The following DAPL1 variants were observed in gnomAD, a reference collection of about 807,000 sequenced individuals.
DAPL1 encodes the protein death-associated protein-like 1.
In DAPL1, 17 loss-of-function variants were observed where a neutral mutation model predicts 12.9. That is an observed-to-expected ratio of 1.32 (90% CI 0.90 to 1.98). The LOEUF is 1.98. Ranked by LOEUF, DAPL1 falls within the 30% of genes most tolerant of loss-of-function variation. The pLI, the probability that DAPL1 is intolerant of heterozygous loss-of-function variation, is 0.00. For missense variants in DAPL1, 157 were observed against 125.7 expected, an observed-to-expected ratio of 1.25 and a Z score of -1.19; for synonymous variants, 51 against 42.0, an observed-to-expected ratio of 1.21 and a Z score of -0.82.
chr2:158,815,733 A>G lies in DAPL1; in HGVS notation c.236A>G (p.His79Arg). The change falls in exon 4 of 4, where the codon CAC becomes CGC. Residue 79 changes from histidine (H) to arginine (R), a missense_variant. His to Arg is a conservative substitution (Grantham distance 29, BLOSUM62 0). Transcript: ENST00000309950. ...AACTATAAATTTCCAGCAACAGTGCACATGGCGCATCAAAAACCCACACCT... is the reference window on the plus strand; with the variant it reads ...AACTATAAATTTCCAGCAACAGTGCGCATGGCGCATCAAAAACCCACACCT... Reference protein sequence around the residue: ...KLNYKFPATVHMAHQKPTPAL... With the variant: ...KLNYKFPATVRMAHQKPTPAL... 6.2e-7 allele frequency: 1 copy of G among 1,613,876 alleles called. No individual in the cohort carries two copies. The highest frequency in any genetic ancestry group is 1.1e-5 in the South Asian group (1 of 91,068).
At chr2:158,798,531 A>C (rs546517086) in intron 1 of DAPL1, among the ~76,000 whole-genome samples, 1 of 152,330 alleles carries the variant, frequency 6.6e-6, no homozygotes, top group East Asian at 1.9e-4. Flanking sequence ...CACCTGGCAC[A>C]GCAAAGAGAC....
At chr2:158,809,835 A>G (rs1052289883) in intron 3 of DAPL1, among the ~76,000 whole-genome samples, 5 of 152,182 alleles carry the variant, frequency 3.3e-5, no homozygotes, top group African/African-American at 1.2e-4. Flanking sequence ...GGTAGAATCC[A>G]TGTGTTTCCA....
chr2:158,810,570 T>G (rs2059224938), intron 3 of DAPL1, among the ~76,000 whole-genome samples: 1 of 152,186 alleles, frequency 6.6e-6, no homozygotes, highest in Non-Finnish European at 1.5e-5. Context: ...ATTTTGGAGA[T>G]TGAAAAATAG....
At chr2:158,813,781 G>T (rs541846582) in intron 3 of DAPL1, among the ~76,000 whole-genome samples, 106 of 151,962 alleles carry the variant, frequency 7.0e-4, no homozygotes, top group East Asian at 1.9e-3. Context: ...GGTCTCGATC[G>T]CCTGACCTCA....
chr2:158,795,406 C>G lies in DAPL1; in HGVS notation c.34C>G (p.Arg12Gly), dbSNP rs139771414. 1 of 1,555,966 alleles carries G rather than the reference C, an allele frequency of 6.4e-7. No individual in the cohort carries two copies. Among genetic ancestry groups the G allele is most frequent in the Non-Finnish European group, 8.7e-7 (1 of 1,149,420 alleles). ...TGAAGTGCAAGACCTGCTCTCCCCT[C>G]GGAAAGGGGGACATCCTCCTGCAGG... is the stretch of plus-strand genomic sequence containing the variant. ...ANEVQDLLSP[R>G]KGGHPPAVKA... Residue 12 changes from arginine to glycine, a missense_variant, in exon 1 of 4, where the codon CGG becomes GGG. Coordinates refer to ENST00000309950, the MANE Select transcript of DAPL1 (RefSeq NM_001017920.3).
chr2:158,810,725 C>T (rs1220172345), intron 3 of DAPL1, among the ~76,000 whole-genome samples: 5 of 152,172 alleles, frequency 3.3e-5, no homozygotes, highest in Non-Finnish European at 5.9e-5. Flanking sequence ...CTCCAGCCAG[C>T]CTTCCCCACC....
chr2:158,797,579 G>A (rs925314265), intron 1 of DAPL1, among the ~76,000 whole-genome samples: 5 of 152,118 alleles, frequency 3.3e-5, no homozygotes, highest in African/African-American at 9.7e-5. Flanking sequence ...ATCACCTGAG[G>A]TCAGGAGTTC....
rs1316239875 is a variant in DAPL1 at position 158,795,378 on chromosome 2, A to T, written c.6A>T (p.Ala2=). 1 of 1,555,380 alleles carries T rather than the reference A, an allele frequency of 6.4e-7. No homozygotes were observed. The change falls in exon 1 of 4, where the codon GCA becomes GCT. Residue 2 remains alanine, a synonymous_variant. Coordinates refer to ENST00000309950, the MANE Select transcript of DAPL1 (RefSeq NM_001017920.3). ...CACTGGCACTGGCACACGCTATGGC[A>T]AATGAAGTGCAAGACCTGCTCTCCC... M[A]NEVQDLLSPR... is the part of the protein sequence containing the mutation.
rs1298179002 is a variant in DAPL1 at position 158,805,981 on chromosome 2, T to C, written c.147-1074T>C. Among the ~76,000 whole-genome samples, 3 of 148,106 alleles carry C rather than the reference T, an allele frequency of 2.0e-5. No individual in the cohort carries two copies. The East Asian group carries it at 5.8e-4, about 29-fold the overall frequency. ...ATGGGTAGGGCCCCTCCCAGGGCCT[T>C]GGGAGGAGCCACTGTGGCAGGAGAC... On this transcript the variant is annotated intron_variant, in intron 2 of 3. Transcript: ENST00000309950.
At chr2:158,804,514 T>G in intron 2 of DAPL1, 145 bp downstream of exon 2, 2 of 566,798 alleles carry the variant, frequency 3.5e-6, no homozygotes, top group South Asian at 5.0e-5. Flanking sequence ...TGATCCGTGG[T>G]GACTTAGGGT....
At chr2:158,808,816 A>G (rs930819545) in intron 3 of DAPL1, among the ~76,000 whole-genome samples, 3 of 152,230 alleles carry the variant, frequency 2.0e-5, no homozygotes, top group Non-Finnish European at 4.4e-5. Context: ...TTCCCCTAAA[A>G]TATTTGTTAA....
intron 1 of DAPL1, among the ~76,000 whole-genome samples, chr2:158,799,139 G>A (rs372613884): frequency 1.2e-4 from 19 of 152,196 alleles, no homozygotes; most frequent in African/African-American, 2.2e-4. Context: ...CATTTTCCCC[G>A]CTTAAATTTA....
At chr2:158,801,013 T>A (rs2059164599) in intron 1 of DAPL1, among the ~76,000 whole-genome samples, 1 of 152,152 alleles carries the variant, frequency 6.6e-6, no homozygotes, top group African/African-American at 2.4e-5. Context: ...CAGCTAATTT[T>A]TGTATTTTTA....
chr2:158,802,655 A>G (rs746810756), intron 1 of DAPL1, among the ~76,000 whole-genome samples: 5 of 152,220 alleles, frequency 3.3e-5, no homozygotes, highest in Non-Finnish European at 1.5e-5. Flanking sequence ...CTTTACATAG[A>G]CAAGACCCCT....
At chr2:158,804,430 A>G in intron 2 of DAPL1, 61 bp downstream of exon 2, 11 of 1,255,140 alleles carry the variant, frequency 8.8e-6, no homozygotes, top group South Asian at 1.4e-5. Flanking sequence ...TGCCTCCAGG[A>G]GTTATTTTAG....
chr2:158,796,670 A>G (rs1003102222), intron 1 of DAPL1, among the ~76,000 whole-genome samples: 11 of 152,248 alleles, frequency 7.2e-5, no homozygotes, highest in Non-Finnish European at 1.5e-4. Context: ...CCAACCCTTC[A>G]TAAAATGGCT....
At chr2:158,813,067 C>A (rs1019914238) in intron 3 of DAPL1, among the ~76,000 whole-genome samples, 1 of 152,072 alleles carries the variant, frequency 6.6e-6, no homozygotes, top group African/African-American at 2.4e-5. Flanking sequence ...AGAAAGAAAT[C>A]TCAACACATA....
At chr2:158,814,947 G>C (rs1011382889) in intron 3 of DAPL1, among the ~76,000 whole-genome samples, 2 of 152,204 alleles carry the variant, frequency 1.3e-5, no homozygotes, top group Admixed American at 6.5e-5. Flanking sequence ...GGAAAACCAT[G>C]TCTGAAGTGG....
At chr2:158,803,248 C>A (rs2105150624) in intron 1 of DAPL1, among the ~76,000 whole-genome samples, 1 of 152,232 alleles carries the variant, frequency 6.6e-6, no homozygotes, top group South Asian at 2.1e-4. Context: ...GACTGCAGAC[C>A]TTTTTATGGC....
Sources: allele counts gnomAD v4.1 joint callset (sites outside exome capture counted in the v4.1 genomes callset), GRCh38; gene constraint gnomAD v4.1.1; transcripts MANE v1.5; gene names NCBI Gene and HGNC (gene_info 2026-07-23, HGNC 2026-07-21).